Variants in NOSTRIN observed in about 807,000 individuals in gnomAD.
The protein encoded by NOSTRIN is BM247 homolog.
In NOSTRIN, 63 loss-of-function variants were observed where a neutral mutation model predicts 59.0. That is an observed-to-expected ratio of 1.07 (90% CI 0.87 to 1.32). The LOEUF is 1.32. NOSTRIN is among the 40% of genes most tolerant of loss of function. NOSTRIN has a pLI of 0.00. For synonymous variants in NOSTRIN, 200 were observed against 165.4 expected (o/e 1.21, Z -1.61); for missense variants, 512 against 473.1 (o/e 1.08, Z -0.76).
At position 168,831,538 on chromosome 2, in the gene NOSTRIN, A is replaced by C. The variant is rs1025644890; in HGVS notation, c.405+4A>C. ...CAACTGGAATCAGCAAATTAAGGCA[A>C]GTATCCACAAATACCATTTGTGTAA... On this transcript the variant is annotated splice_donor_region_variant and intron_variant, in intron 6 of 15. Coordinates refer to ENST00000317647, the MANE Select transcript of NOSTRIN (RefSeq NM_001039724.4). The C allele has an allele frequency of 2.3e-6, 2 of 863,026 alleles. No homozygotes were observed. The highest frequency in any genetic ancestry group is 3.3e-5 in the African/African-American group (2 of 61,276). 53.5% of individuals were successfully genotyped at this position (863,026 alleles called of 1,614,324 possible).
chr2:168,859,457 A>G, intron 12 of NOSTRIN, 55 bp from the exon 13 acceptor site: 1 of 1,603,462 alleles, frequency 6.2e-7, no homozygotes, highest in Non-Finnish European at 8.5e-7. Flanking sequence ...ATTCCTATCC[A>G]GTTGTGCCTC....
chr2:168,823,968 G>C (rs1388444783), intron 2 of NOSTRIN, among the ~76,000 whole-genome samples: 1 of 152,124 alleles, frequency 6.6e-6, no homozygotes, highest in African/African-American at 2.4e-5. Context: ...CCAGCTACTT[G>C]AGAGGCTAAG....
chr2:168,820,835 G>A (rs190978737), intron 2 of NOSTRIN, among the ~76,000 whole-genome samples: 43 of 152,076 alleles, frequency 2.8e-4, no homozygotes, highest in African/African-American at 8.4e-4. Flanking sequence ...AAGGAAAGCA[G>A]CACTTCTTTT....
chr2:168,848,319 A>C (rs1057448421), intron 8 of NOSTRIN, among the ~76,000 whole-genome samples: 1 of 152,224 alleles, frequency 6.6e-6, no homozygotes, highest in Non-Finnish European at 1.5e-5. Context: ...AATTTTGTGA[A>C]AGCCTCAGGG....
chr2:168,821,394 A>G (rs1323034064), intron 2 of NOSTRIN, among the ~76,000 whole-genome samples: 1 of 152,246 alleles, frequency 6.6e-6, no homozygotes, highest in Non-Finnish European at 1.5e-5. Context: ...AGAGACCAGT[A>G]AGAATTCCAA....
chr2:168,828,123 A>C, intron 3 of NOSTRIN, 35 bp from the exon 4 acceptor site: 1 of 872,240 alleles, frequency 1.1e-6, no homozygotes, highest in Non-Finnish European at 2.0e-6. Flanking sequence ...GGAAAATGAC[A>C]CTCACCTTTG....
intron 7 of NOSTRIN, among the ~76,000 whole-genome samples, chr2:168,841,486 G>C (rs1049438778): frequency 6.6e-6 from 1 of 152,094 alleles, no homozygotes; most frequent in African/African-American, 2.4e-5. Flanking sequence ...TGGGCAAGAG[G>C]GGGGCTCTTT....
chr2:168,792,411 A>AT (rs1352172752), intron 2 of NOSTRIN, among the ~76,000 whole-genome samples: 3 of 152,000 alleles, frequency 2.0e-5, no homozygotes, highest in African/African-American at 7.2e-5. Flanking sequence ...GAATAGTTTT[A>AT]TTTTTTAGTG....
Position 168,859,518 on chromosome 2 carries a change from T to C in NOSTRIN, c.1060T>C (p.Leu354=), listed in dbSNP as rs1196100502. ...DTAALMDENN[L]KLDLLEANSY... Reference sequence around the variant, plus strand: ...CCAAATGATGTATCCACAGAACAATTTGAAACTAGACCTTTTGGAAGCGAA... The same window carrying C: ...CCAAATGATGTATCCACAGAACAATCTGAAACTAGACCTTTTGGAAGCGAA... The change falls in exon 13 of 16, where the codon TTG becomes CTG. Residue 354 remains leucine, a synonymous_variant. Coordinates refer to ENST00000317647, the MANE Select transcript of NOSTRIN (RefSeq NM_001039724.4). 1.2e-5 allele frequency: 19 copies of C among 1,614,074 alleles called. No homozygotes were observed. Among genetic ancestry groups the C allele is most frequent in the Non-Finnish European group, 1.4e-5 (17 of 1,179,968 alleles).
chr2:168,822,715 G>T (rs1686817438), intron 2 of NOSTRIN, among the ~76,000 whole-genome samples: 3 of 152,158 alleles, frequency 2.0e-5, no homozygotes, highest in Non-Finnish European at 2.9e-5. Flanking sequence ...ATAGGACATG[G>T]TAAAATAGGT....
chr2:168,852,503 C>T (rs73032233), intron 10 of NOSTRIN, among the ~76,000 whole-genome samples: 2,540 of 152,256 alleles, frequency 0.017, 75 homozygotes, highest in African/African-American at 0.057. Context: ...TTACCAAAAC[C>T]TGCAGAAAGA....
At chr2:168,839,917 ATATATGTGTG>A (rs749772037) in intron 7 of NOSTRIN, among the ~76,000 whole-genome samples, 961 of 93,090 alleles carry the variant, frequency 0.01, 32 homozygotes, top group South Asian at 0.031. Flanking sequence ...ATATATATAT[ATATATGTGTG>A]TGTGTGTGTG....
In NOSTRIN at chr2:168,859,588, C is replaced by G. The variant is rs201358088; in HGVS notation, c.1130C>G (p.Pro377Arg). 4.8e-5 allele frequency: 78 copies of G among 1,614,014 alleles called. No homozygotes were observed. The highest frequency in any genetic ancestry group is 4.4e-5 in the Non-Finnish European group (52 of 1,180,000). ...SSMLAELEQR[P>R]QPSHPCSNSI... ...ATGTTAGCAGAACTTGAGCAAAGAC[C>G]TCAACCCAGCCATCCTTGTAGTAAT... Residue 377 changes from proline (P) to arginine (R), a missense_variant, in exon 13 of 16, where the codon CCT becomes CGT. Transcript: ENST00000317647.
intron 7 of NOSTRIN, among the ~76,000 whole-genome samples, chr2:168,837,570 A>G (rs1037334136): frequency 5.3e-5 from 8 of 152,030 alleles, no homozygotes; most frequent in African/African-American, 1.9e-4. Context: ...CGGCCTCCCA[A>G]AGTGCTGGGA....
upstream of NOSTRIN, among the ~76,000 whole-genome samples, chr2:168,801,721 G>A (rs700547): frequency 0.97 from 147,382 of 152,300 alleles, 71,342 homozygotes; most frequent in East Asian, 1. Flanking sequence ...AATGGCTGTC[G>A]TACATCAATA....
intron 8 of NOSTRIN, chr2:168,850,766 T>C (rs1336048902): frequency 8.6e-6 from 5 of 578,664 alleles, no homozygotes; most frequent in Non-Finnish European, 1.5e-5. Context: ...TCTCTGGAAT[T>C]CTCTGGAATC....
upstream of NOSTRIN, among the ~76,000 whole-genome samples, chr2:168,798,805 C>G (rs1365383541): frequency 1.8e-5 from 1 of 54,066 alleles, no homozygotes; most frequent in Admixed American, 2.5e-4. Context: ...TTCGATCGAT[C>G]GATCGATCGA....
Position 168,859,589 on chromosome 2 carries a change from T to C in NOSTRIN, c.1131T>C (p.Pro377=). The change falls in exon 13 of 16, where the codon CCT becomes CCC. Residue 377 remains proline, a synonymous_variant. Coordinates refer to ENST00000317647, the MANE Select transcript of NOSTRIN (RefSeq NM_001039724.4). ...TGTTAGCAGAACTTGAGCAAAGACC[T>C]CAACCCAGCCATCCTTGTAGTAATT... ...SSMLAELEQR[P]QPSHPCSNSI... 6.2e-7 allele frequency: 1 copy of C among 1,614,118 alleles called. No individual in the cohort carries two copies. Among genetic ancestry groups the C allele is most frequent in the Non-Finnish European group, 8.5e-7 (1 of 1,179,984 alleles).
At chr2:168,858,205 GCA>G (rs1689236660) in intron 12 of NOSTRIN, among the ~76,000 whole-genome samples, 3 of 152,212 alleles carry the variant, frequency 2.0e-5, no homozygotes, top group Non-Finnish European at 4.4e-5. Context: ...CTCACCTGAA[GCA>G]CACAGTGGAG....
Sources: allele counts gnomAD v4.1 joint callset (sites outside exome capture counted in the v4.1 genomes callset), GRCh38; gene constraint gnomAD v4.1.1; transcripts MANE v1.5; gene names NCBI Gene and HGNC (gene_info 2026-07-23, HGNC 2026-07-21).